The following PICK1 variants were observed in gnomAD, a reference collection of about 807,000 sequenced individuals.
The protein encoded by PICK1 is protein interacting with PRKCA 1.
Under a neutral mutation model 48.9 loss-of-function variants are expected in PICK1, and 23 were observed. The ratio of observed to expected loss-of-function variants is 0.47; its 90% CI spans 0.34 to 0.67. The LOEUF (loss-of-function observed/expected upper bound fraction) is 0.67. PICK1 is among the 30% of genes least tolerant of loss of function. The probability of loss-of-function intolerance (pLI) is 0.01; values close to 1 mark genes in which losing one functional copy is unlikely to be tolerated. For missense variants in PICK1, 423 were observed against 557.1 expected, an observed-to-expected ratio of 0.76 and a Z score of 2.42; for synonymous variants, 217 against 228.2, an observed-to-expected ratio of 0.95 and a Z score of 0.44.
intron 8 of PICK1, 59 bp from the exon 9 acceptor site, chr22:38,072,418 C>A: frequency 6.3e-7 from 1 of 1,594,916 alleles, no homozygotes; most frequent in Non-Finnish European, 8.5e-7. Flanking sequence ...CCCAACAAAC[C>A]CCTGGCTTCT....
In PICK1 at chr22:38,074,296, C is replaced by T. The variant is rs764411815; in HGVS notation, c.835-11C>T. 36 of 1,612,118 alleles carry T rather than the reference C, an allele frequency of 2.2e-5. No homozygotes were observed. The highest frequency in any genetic ancestry group is 2.7e-5 in the African/African-American group (2 of 74,916). Reference sequence around the variant, plus strand: ...CCCTGAGCAGGCACTCCTGTCCCACCCCCGCCCCAGGCCCTAGGCGAGCCC... The same window carrying T: ...CCCTGAGCAGGCACTCCTGTCCCACTCCCGCCCCAGGCCCTAGGCGAGCCC... On this transcript the variant is annotated splice_polypyrimidine_tract_variant and intron_variant, in intron 11 of 12. Transcript: ENST00000356976. This position sits in a 1 kb window ranked among gnomAD's most constrained non-coding sequence, Gnocchi z 4.5.
intron 8 of PICK1, chr22:38,072,129 G>T: frequency 4.0e-6 from 2 of 494,918 alleles, no homozygotes; most frequent in South Asian, 4.2e-5. Context: ...TTCCAATCCA[G>T]GTGTCTAGAC....
intron 5 of PICK1, among the ~76,000 whole-genome samples, chr22:38,068,596 G>A (rs1189760319): frequency 1.3e-5 from 2 of 152,160 alleles, no homozygotes; most frequent in African/African-American, 4.8e-5. Context: ...TGAGTCTGGG[G>A]TCCGAGCTTC....
chr22:38,071,564 G>A, intron 7 of PICK1, 118 bp from the exon 8 acceptor site: 2 of 909,304 alleles, frequency 2.2e-6, no homozygotes, highest in South Asian at 2.6e-5. Context: ...GTGGGGAAAG[G>A]CCATGTATCA....
chr22:38,071,765 T>G, intron 8 of PICK1, 21 bp downstream of exon 8: 1 of 1,609,124 alleles, frequency 6.2e-7, no homozygotes, highest in Non-Finnish European at 8.5e-7. Flanking sequence ...CCCCCAAAGC[T>G]GTGGTGTGAC....
rs1177405939 is a variant in PICK1, at chr22:38,075,151, G to C, written c.*19G>C. On this transcript the variant is annotated 3_prime_UTR_variant, in exon 13 of 13. Transcript: ENST00000356976. ...CTCCTGAGTGCCCCGCGGCTGTGGT[G>C]CCGGGGGCAGGGTGCGTGGGAGGAC... 8 of 1,602,178 alleles carry C rather than the reference G, an allele frequency of 5.0e-6. No homozygotes were observed. Among genetic ancestry groups the C allele is most frequent in the Non-Finnish European group, 6.8e-6 (8 of 1,174,138 alleles).
At chr22:38,065,876 C>T (rs1218741069) in intron 4 of PICK1, among the ~76,000 whole-genome samples, 1 of 152,150 alleles carries the variant, frequency 6.6e-6, no homozygotes, top group African/African-American at 2.4e-5. Context: ...GTCTCGGGGG[C>T]AAGGGTCCCC....
rs742397 is a variant in PICK1 at position 38,071,885 on chromosome 22, C to T, written c.556+141C>T. 449 of 751,958 alleles carry T rather than the reference C, an allele frequency of 6.0e-4. 2 individuals are homozygous for T. The African/African-American group carries it at 6.9e-3, about 11-fold the overall frequency. 46.6% of individuals were successfully genotyped at this position (751,958 alleles called of 1,614,324 possible). Reference sequence around the variant, plus strand: ...GCCTGGTCCCAGGTGCTGGGATTTGCGATGGGCCTGCGGGGAACATCTAGA... The same window carrying T: ...GCCTGGTCCCAGGTGCTGGGATTTGTGATGGGCCTGCGGGGAACATCTAGA... On this transcript the variant is annotated intron_variant, in intron 8 of 12. Coordinates refer to ENST00000356976, the MANE Select transcript of PICK1 (RefSeq NM_012407.4).
At chr22:38,059,411 T>TA (rs1225623506) in intron 3 of PICK1, 66 bp downstream of exon 3, 3 of 1,082,696 alleles carry the variant, frequency 2.8e-6, no homozygotes, top group African/African-American at 1.6e-5. Context: ...GGCAGGTTCA[T>TA]TTCTCCACAC....
Position 38,066,450 on chromosome 22 carries a change from C to T in PICK1, c.283-1254C>T, listed in dbSNP as rs2085527154. On this transcript the variant is annotated intron_variant, in intron 4 of 12. Transcript: ENST00000356976. The surrounding 1 kb of genome is among the most constrained non-coding windows in gnomAD (Gnocchi z 4.1). ...TGAGGACAAGAGCTCTTTGTATTTG[C>T]ACACAGCCATGACAGGGATGCAGCA... is the stretch of plus-strand genomic sequence containing the variant. Among the ~76,000 whole-genome samples the T allele has an allele frequency of 6.6e-6, 1 of 152,214 alleles. No individual in the cohort carries two copies. The highest frequency in any genetic ancestry group is 2.1e-4 in the South Asian group (1 of 4,830).
intron 3 of PICK1, among the ~76,000 whole-genome samples, chr22:38,063,100 T>G (rs1413717534): frequency 6.6e-6 from 1 of 152,088 alleles, no homozygotes; most frequent in Non-Finnish European, 1.5e-5. Context: ...ACATCCTGCT[T>G]TCTGTATTCT....
chr22:38,062,279 T>C (rs2085421543), intron 3 of PICK1, among the ~76,000 whole-genome samples: 2 of 149,902 alleles, frequency 1.3e-5, no homozygotes, highest in East Asian at 3.9e-4. Flanking sequence ...AATTAAGTCT[T>C]GCTCTGTTGC....
intron 3 of PICK1, among the ~76,000 whole-genome samples, chr22:38,061,386 T>G (rs1449592923): frequency 1.3e-5 from 2 of 152,110 alleles, no homozygotes; most frequent in East Asian, 3.9e-4. Flanking sequence ...TTTTTTTAAA[T>G]TCAATTTTGT....
intron 8 of PICK1, chr22:38,072,113 C>T (rs2085711864): frequency 2.0e-6 from 1 of 490,296 alleles, no homozygotes; most frequent in Non-Finnish European, 3.7e-6. Flanking sequence ...AGTGGTGGAG[C>T]TGTTGTTCCA....
chr22:38,062,823 G>A (rs1186947879), intron 3 of PICK1, among the ~76,000 whole-genome samples: 3 of 152,180 alleles, frequency 2.0e-5, no homozygotes, highest in African/African-American at 4.8e-5. Flanking sequence ...GAACGTCAAG[G>A]TTGACAGTAA....
rs1205647349 is a variant in PICK1 at position 38,074,716 on chromosome 22, C to A, written c.980-148C>A. 3.5e-6 allele frequency: 4 copies of A among 1,142,870 alleles called. No homozygotes were observed. The highest frequency in any genetic ancestry group is 5.0e-6 in the Non-Finnish European group (4 of 803,486). The allele number at this position is 1,142,870 out of a possible 1,614,324, so 70.8% of individuals were successfully genotyped here. On this transcript the variant is annotated intron_variant, in intron 12 of 12. Transcript: ENST00000356976. The surrounding 1 kb of genome is among the most constrained non-coding windows in gnomAD (Gnocchi z 4.5). ...CCGGGCTGGGCGGCCCCTGCCTCCG[C>A]CCCTTGCCAGGTCATGAGGGGTCAG...
In PICK1 at chr22:38,070,895, G is replaced by T; in HGVS notation, c.493+4G>T. On this transcript the variant is annotated splice_donor_region_variant and intron_variant, in intron 7 of 12. Coordinates refer to ENST00000356976, the MANE Select transcript of PICK1 (RefSeq NM_012407.4). ...CGGACCGCTGAGCTATACAAAGGTG[G>T]GTGGGGGGTGGCCTCGTCCTGGCAC... is the stretch of plus-strand genomic sequence containing the variant. 1 of 1,613,418 alleles carries T rather than the reference G, an allele frequency of 6.2e-7. No homozygotes were observed.
chr22:38,067,696 T>C lies in PICK1; in HGVS notation c.283-8T>C, dbSNP rs763201122. On this transcript the variant is annotated splice_polypyrimidine_tract_variant and splice_region_variant and intron_variant, in intron 4 of 12. Transcript: ENST00000356976. ...TCGCTCACTAGTCTGTGTGTGCTGC[T>C]CTTCCAGGGGGAGGTGACCATCCAC... 1 of 1,613,206 alleles carries C rather than the reference T, an allele frequency of 6.2e-7. No individual in the cohort carries two copies. Among genetic ancestry groups the C allele is most frequent in the Non-Finnish European group, 8.5e-7 (1 of 1,179,216 alleles).
rs2145883096 is a variant in PICK1 at position 38,073,219 on chromosome 22, G to T, written c.783+127G>T. On this transcript the variant is annotated intron_variant, in intron 10 of 12. Coordinates refer to ENST00000356976, the MANE Select transcript of PICK1 (RefSeq NM_012407.4). The surrounding 1 kb of genome is among the most constrained non-coding windows in gnomAD (Gnocchi z 5.7). ...GACAGCATGTCTGCTCCAGGTGTGG[G>T]CCCAGAGGCCCAGGGAGGTGCAGCC... 23 of 726,450 alleles carry T rather than the reference G, an allele frequency of 3.2e-5. No individual in the cohort carries two copies. Among genetic ancestry groups the T allele is most frequent in the African/African-American group, 3.5e-5 (2 of 57,658 alleles). The allele number at this position is 726,450 out of a possible 1,614,324, so 45.0% of individuals were successfully genotyped here.
Sources: gnomAD v4.1 joint callset for allele counts (sites outside exome capture counted in the v4.1 genomes callset) on GRCh38, gnomAD v4.1.1 for gene constraint, Gnocchi (gnomAD v3.1) non-coding constraint, MANE v1.5 for transcripts, NCBI Gene and HGNC (gene_info 2026-07-23, HGNC 2026-07-21) for gene names.